SGCG: variants seen among roughly 807,000 people sequenced by gnomAD.
SGCG encodes the protein sarcoglycan gamma.
Under a neutral mutation model 29.3 loss-of-function variants are expected in SGCG, and 26 were observed. The observed-to-expected ratio is 0.89, with a 90% confidence interval of 0.65 to 1.23. The LOEUF is 1.23. Ranked by LOEUF, SGCG falls within the 50% of genes most tolerant of loss-of-function variation. The pLI is 0.00. For synonymous variants in SGCG, 145 were observed against 129.7 expected, an observed-to-expected ratio of 1.12 and a Z score of -0.80; for missense variants, 353 against 356.0, an observed-to-expected ratio of 0.99 and a Z score of 0.07.
At chr13:23,284,260 G>A (rs1039668070) in intron 5 of SGCG, among the ~76,000 whole-genome samples, 2 of 152,046 alleles carry the variant, frequency 1.3e-5, no homozygotes, top group Non-Finnish European at 2.9e-5. Flanking sequence ...TGTAAGTTTG[G>A]TCTTTTCACA....
intron 1 of SGCG, among the ~76,000 whole-genome samples, chr13:23,185,262 G>T (rs1183935989): frequency 6.6e-6 from 1 of 152,150 alleles, no homozygotes; most frequent in Non-Finnish European, 1.5e-5. Context: ...TGCGATCTTG[G>T]CTCACTACAC....
intron 2 of SGCG, among the ~76,000 whole-genome samples, chr13:23,219,827 C>CTTTTTTTTT (rs1184090222): frequency 1.0e-5 from 1 of 99,204 alleles, no homozygotes; most frequent in Non-Finnish European, 2.0e-5. Context: ...ATTTCTTTTC[C>CTTTTTTTTT]TTTTTTTTTT....
chr13:23,258,030 G>T (rs1314034167), intron 4 of SGCG, among the ~76,000 whole-genome samples: 7 of 152,130 alleles, frequency 4.6e-5, no homozygotes, highest in Admixed American at 4.6e-4. Context: ...GGCAATGCAG[G>T]CTCTTTTTTG....
chr13:23,285,392 G>T (rs753696779), intron 5 of SGCG, among the ~76,000 whole-genome samples: 2 of 152,168 alleles, frequency 1.3e-5, no homozygotes, highest in Non-Finnish European at 2.9e-5. Context: ...CCTTCTCAGC[G>T]GCTTTGTTTG....
chr13:23,168,283 C>T, the SGCG span, among the ~76,000 whole-genome samples: 1 of 152,074 alleles, frequency 6.6e-6, no homozygotes, highest in South Asian at 2.1e-4. Context: ...CCTATTTATT[C>T]CCTTAATTTG....
At chr13:23,258,006 C>G (rs1477964789) in intron 4 of SGCG, among the ~76,000 whole-genome samples, 1 of 152,126 alleles carries the variant, frequency 6.6e-6, no homozygotes, top group Non-Finnish European at 1.5e-5. Context: ...GTTCTTTTTG[C>G]ATAGGATTGT....
intron 5 of SGCG, among the ~76,000 whole-genome samples, chr13:23,281,345 T>TAAC (rs1360418477): frequency 1.9e-4 from 1 of 5,366 alleles, no homozygotes; most frequent in African/African-American, 2.3e-4. Flanking sequence ...GTCTCAGTAA[T>TAAC]AATAATAATA....
intron 6 of SGCG, among the ~76,000 whole-genome samples, chr13:23,311,681 A>AC (rs1882604690): frequency 6.6e-6 from 1 of 152,150 alleles, no homozygotes; most frequent in East Asian, 1.9e-4. Flanking sequence ...GATCCCAAAC[A>AC]CCTCATGTGC....
At chr13:23,309,854 T>TTAGAAAC (rs1882495332) in intron 6 of SGCG, among the ~76,000 whole-genome samples, 1 of 152,180 alleles carries the variant, frequency 6.6e-6, no homozygotes. Flanking sequence ...CTTTTCAAGT[T>TTAGAAAC]TTGTACATCT....
At chr13:23,289,842 G>C (rs544747831) in intron 5 of SGCG, among the ~76,000 whole-genome samples, 2 of 152,302 alleles carry the variant, frequency 1.3e-5, no homozygotes, top group South Asian at 4.1e-4. Context: ...GAATTGTTTT[G>C]AACAGGGTAC....
At chr13:23,207,078 C>G (rs1173705029) in intron 2 of SGCG, among the ~76,000 whole-genome samples, 1 of 152,132 alleles carries the variant, frequency 6.6e-6, no homozygotes, top group Non-Finnish European at 1.5e-5. Context: ...TATTTCAAAG[C>G]TATCGTAATT....
intron 4 of SGCG, among the ~76,000 whole-genome samples, chr13:23,251,960 C>G (rs1345104049): frequency 6.6e-6 from 1 of 152,076 alleles, no homozygotes; most frequent in Non-Finnish European, 1.5e-5. Flanking sequence ...TCTGATGATT[C>G]CTTTTTCTTA....
intron 6 of SGCG, among the ~76,000 whole-genome samples, chr13:23,313,187 T>G (rs1011071634): frequency 6.7e-6 from 1 of 148,682 alleles, no homozygotes; most frequent in Admixed American, 6.9e-5. Flanking sequence ...TTTTTTGAGA[T>G]GGAGTCTCAC....
At position 23,295,600 on chromosome 13, in the gene SGCG, C is replaced by A; in HGVS notation, c.578+113C>A. 1.2e-5 allele frequency: 10 copies of A among 818,080 alleles called. No homozygotes were observed. In the South Asian group the frequency reaches 1.4e-4, roughly 11 times the overall value. 50.7% of individuals were successfully genotyped at this position (818,080 alleles called of 1,614,324 possible). On this transcript the variant is annotated intron_variant, in intron 6 of 7. Coordinates refer to ENST00000218867, the MANE Select transcript of SGCG (RefSeq NM_000231.3). ...TGACTGTTTCTTATTTCATCAGTTG[C>A]CTTTATTTTCAAGACTTTCCGCTTA...
At chr13:23,172,728 C>T in the SGCG span, among the ~76,000 whole-genome samples, 2 of 152,230 alleles carry the variant, frequency 1.3e-5, no homozygotes, top group African/African-American at 4.8e-5. Context: ...GGTATCAAGA[C>T]TCAGTCTCTG....
At chr13:23,321,466 A>G (rs1229518834) in intron 7 of SGCG, among the ~76,000 whole-genome samples, 1 of 152,222 alleles carries the variant, frequency 6.6e-6, no homozygotes, top group Non-Finnish European at 1.5e-5. Flanking sequence ...GATTATGACA[A>G]TATGCTAGCA....
intron 1 of SGCG, among the ~76,000 whole-genome samples, chr13:23,191,856 AAC>A (rs1877269620): frequency 6.6e-6 from 1 of 152,156 alleles, no homozygotes; most frequent in African/African-American, 2.4e-5. Context: ...TATGCTAGGA[AAC>A]AGAGTAGCGT....
intron 4 of SGCG, among the ~76,000 whole-genome samples, chr13:23,277,815 CA>C (rs1881145422): frequency 6.6e-6 from 1 of 151,556 alleles, no homozygotes; most frequent in African/African-American, 2.4e-5. Flanking sequence ...TCTCCCGCCT[CA>C]GCCTCCCGAG....
intron 1 of SGCG, among the ~76,000 whole-genome samples, chr13:23,199,376 A>T (rs1593168571): frequency 6.6e-6 from 1 of 152,248 alleles, no homozygotes; most frequent in Non-Finnish European, 1.5e-5. Context: ...TCTTGCTGAC[A>T]TGAATACCAC....
Sources: gnomAD v4.1 joint callset for allele counts (sites outside exome capture counted in the v4.1 genomes callset) on GRCh38, gnomAD v4.1.1 for gene constraint, MANE v1.5 for transcripts, NCBI Gene and HGNC (gene_info 2026-07-23, HGNC 2026-07-21) for gene names.